ADARB2: variants seen among roughly 807,000 people sequenced by gnomAD.
ADARB2 encodes the protein adenosine deaminase RNA specific B2 (inactive).
In ADARB2, 25 loss-of-function variants were observed where a neutral mutation model predicts 62.2. The observed-to-expected ratio is 0.40, with a 90% confidence interval of 0.29 to 0.56. The LOEUF (loss-of-function observed/expected upper bound fraction) is 0.56, where lower values mean the gene tolerates loss of function less well. ADARB2 is among the 20% of genes least tolerant of loss of function. The pLI is 0.43. For synonymous variants in ADARB2, 572 were observed against 500.8 expected (o/e 1.14, Z -1.90); for missense variants, 1,071 against 1,077.4 (o/e 0.99, Z 0.08).
intron 1 of ADARB2, among the ~76,000 whole-genome samples, chr10:1,401,708 G>A (rs1369361506): frequency 1.3e-5 from 2 of 152,176 alleles, no homozygotes; most frequent in African/African-American, 4.8e-5. Context: ...TCCAGGCTCT[G>A]TTCTGCAGAG....
At chr10:1,352,233 C>T (rs1024650106) in intron 3 of ADARB2, among the ~76,000 whole-genome samples, 1 of 148,510 alleles carries the variant, frequency 6.7e-6, no homozygotes, top group Non-Finnish European at 1.5e-5. Flanking sequence ...CAAACCCAAG[C>T]ACCTTCTACA....
At chr10:1,402,446 G>A (rs565275321) in intron 1 of ADARB2, among the ~76,000 whole-genome samples, 1 of 152,306 alleles carries the variant, frequency 6.6e-6, no homozygotes, top group East Asian at 1.9e-4. Flanking sequence ...TGTGGAATTG[G>A]TGCGTGGTTA....
intron 1 of ADARB2, among the ~76,000 whole-genome samples, chr10:1,705,546 G>C (rs1258939443): frequency 6.6e-6 from 1 of 152,236 alleles, no homozygotes; most frequent in African/African-American, 2.4e-5. Flanking sequence ...TTAATGAACA[G>C]AATGCAATGG....
At chr10:1,524,911 A>G (rs1373151881) in intron 1 of ADARB2, among the ~76,000 whole-genome samples, 2 of 152,200 alleles carry the variant, frequency 1.3e-5, no homozygotes, top group Admixed American at 6.5e-5. Flanking sequence ...AGGATAGTCC[A>G]ATCTATGTCT....
chr10:1,199,879 T>A, intron 8 of ADARB2, 87 bp downstream of exon 8: 1 of 1,347,932 alleles, frequency 7.4e-7, no homozygotes, highest in South Asian at 1.6e-5. Flanking sequence ...ATGGATGAAG[T>A]CTGCGAGGGA....
At chr10:1,732,300 A>G (rs1420007726) in intron 1 of ADARB2, among the ~76,000 whole-genome samples, 1 of 128,608 alleles carries the variant, frequency 7.8e-6, no homozygotes, top group African/African-American at 3.0e-5. Context: ...GGCATAAGTT[A>G]TCTTTTCATG....
At chr10:1,351,456 C>G (rs193014865) in intron 3 of ADARB2, among the ~76,000 whole-genome samples, 2,530 of 151,546 alleles carry the variant, frequency 0.017, 35 homozygotes, top group Non-Finnish European at 0.023. Flanking sequence ...AGACAATACT[C>G]TTTTAAGTAC....
At chr10:1,249,639 CAT>C (rs35580863) in intron 4 of ADARB2, among the ~76,000 whole-genome samples, 2 of 151,634 alleles carry the variant, frequency 1.3e-5, no homozygotes, top group African/African-American at 2.4e-5. Context: ...CACACACACA[CAT>C]ACACACGAGT....
chr10:1,581,826 ATGTGTGTGTGTGTGTG>A lies in ADARB2; in HGVS notation c.100+155209_100+155224del, dbSNP rs56180704. ...AGGCATAGAGATGACTTAGAAATAGATGTGTGTGTGTGTGTGTGTGTGTGTGTGTGTGTGTGTGTGT... is the reference window on the plus strand; with the variant it reads ...AGGCATAGAGATGACTTAGAAATAGATGTGTGTGTGTGTGTGTGTGTGTGT... On this transcript the variant is annotated intron_variant, in intron 1 of 9. Transcript: ENST00000381312. 7.6e-4 allele frequency among the ~76,000 whole-genome samples: 113 copies of A among 148,498 alleles called. 1 individual carries two copies. The highest frequency in any genetic ancestry group is 2.3e-3 in the African/African-American group (91 of 39,952).
chr10:1,319,088 C>T (rs1207550281), intron 3 of ADARB2, among the ~76,000 whole-genome samples: 3 of 152,192 alleles, frequency 2.0e-5, no homozygotes, highest in South Asian at 4.1e-4. Context: ...CACATTGTGA[C>T]AGTGACGAAA....
At chr10:1,674,474 G>A (rs960699490) in intron 1 of ADARB2, among the ~76,000 whole-genome samples, 17 of 152,198 alleles carry the variant, frequency 1.1e-4, no homozygotes, top group African/African-American at 3.9e-4. Context: ...TATTGATCTG[G>A]CTTGTAGTAA....
chr10:1,446,884 A>T (rs1830977909), intron 1 of ADARB2, among the ~76,000 whole-genome samples: 1 of 152,176 alleles, frequency 6.6e-6, no homozygotes, highest in African/African-American at 2.4e-5. Flanking sequence ...GGGAGGGTTG[A>T]TGGCCTCAGA....
chr10:1,705,445 G>A (rs1487970991), intron 1 of ADARB2, among the ~76,000 whole-genome samples: 1 of 152,216 alleles, frequency 6.6e-6, no homozygotes, highest in Non-Finnish European at 1.5e-5. Context: ...GAGCCCCAGG[G>A]CAGCAGCAGG....
At chr10:1,662,501 T>C (rs12266821) in intron 1 of ADARB2, among the ~76,000 whole-genome samples, 68,298 of 152,062 alleles carry the variant, frequency 0.45, 15,838 homozygotes, top group African/African-American at 0.56. Context: ...TGCAGCCACG[T>C]GGGCCCAGAC....
At chr10:1,325,890 C>T (rs1169535282) in intron 3 of ADARB2, among the ~76,000 whole-genome samples, 3 of 152,140 alleles carry the variant, frequency 2.0e-5, no homozygotes, top group African/African-American at 7.2e-5. Flanking sequence ...ATTAATCATC[C>T]CAAAGCCCGG....
chr10:1,527,745 A>T (rs1197589684), intron 1 of ADARB2, among the ~76,000 whole-genome samples: 1 of 152,212 alleles, frequency 6.6e-6, no homozygotes, highest in East Asian at 1.9e-4. Context: ...TTGATCACAC[A>T]TCTCATCAGA....
chr10:1,563,360 G>C (rs1283353587), intron 1 of ADARB2, among the ~76,000 whole-genome samples: 1 of 152,124 alleles, frequency 6.6e-6, no homozygotes, highest in Non-Finnish European at 1.5e-5. Flanking sequence ...GTGAGAACGT[G>C]GTTGCTCTAA....
chr10:1,550,219 A>G (rs1007847639), intron 1 of ADARB2, among the ~76,000 whole-genome samples: 4 of 152,070 alleles, frequency 2.6e-5, no homozygotes, highest in Non-Finnish European at 5.9e-5. Flanking sequence ...ACACAACTAC[A>G]TTTTGTTTGT....
At chr10:1,524,075 T>C (rs143744774) in intron 1 of ADARB2, among the ~76,000 whole-genome samples, 1 of 151,832 alleles carries the variant, frequency 6.6e-6, no homozygotes, top group South Asian at 2.1e-4. Flanking sequence ...GATAGATAGA[T>C]AGATAGATAG....
Sources: gnomAD v4.1 joint callset for allele counts (sites outside exome capture counted in the v4.1 genomes callset) on GRCh38, gnomAD v4.1.1 for gene constraint, MANE v1.5 for transcripts, NCBI Gene and HGNC (gene_info 2026-07-23, HGNC 2026-07-21) for gene names.